Variants in PPP4R3B observed in about 807,000 individuals in gnomAD.
PPP4R3B encodes protein phosphatase 4 regulatory subunit 3B.
In PPP4R3B, 52 loss-of-function variants were observed where a neutral mutation model predicts 95.4. The ratio of observed to expected loss-of-function variants is 0.54; its 90% CI spans 0.44 to 0.69. The LOEUF is 0.69. Ranked by LOEUF, PPP4R3B falls within the 30% of genes least tolerant of loss-of-function variation. PPP4R3B has a pLI of 0.00. For missense variants in PPP4R3B, 1,003 were observed against 1,005.9 expected (o/e 1.00, Z 0.04); for synonymous variants, 407 against 343.9 (o/e 1.18, Z -2.03).
intron 15 of PPP4R3B, among the ~76,000 whole-genome samples, chr2:55,562,995 T>C (rs892788553): frequency 1.3e-5 from 2 of 152,220 alleles, no homozygotes; most frequent in African/African-American, 4.8e-5. Flanking sequence ...AGGTGTCCAA[T>C]CCCTTTTAAC....
At chr2:55,557,931 TAATATCCTTAAC>T in intron 16 of PPP4R3B, among the ~76,000 whole-genome samples, 1 of 152,222 alleles carries the variant, frequency 6.6e-6, no homozygotes, top group South Asian at 2.1e-4. Flanking sequence ...ACAGAAAGTC[TAATATCCTTAAC>T]TAAAGATTCA....
rs1685038514 is a variant in PPP4R3B, at chr2:55,549,761, A to G, written c.*150T>C. The G allele has an allele frequency of 8.0e-6, 5 of 624,756 alleles. No individual in the cohort carries two copies. The South Asian group carries it at 1.0e-4, about 13-fold the overall frequency. 38.7% of individuals were successfully genotyped at this position (624,756 alleles called of 1,614,324 possible). On this transcript the variant is annotated 3_prime_UTR_variant, in exon 17 of 17. Coordinates refer to ENST00000616407, the MANE Select transcript of PPP4R3B (RefSeq NM_001122964.3). ...TCCTGGGAAGCCTGATTTTTATTAGAACTAAACTCTCTTAGCTGATATACT... is the reference window on the plus strand; with the variant it reads ...TCCTGGGAAGCCTGATTTTTATTAGGACTAAACTCTCTTAGCTGATATACT...
intron 12 of PPP4R3B, among the ~76,000 whole-genome samples, chr2:55,573,054 C>T (rs754493751): frequency 1.3e-5 from 2 of 152,008 alleles, no homozygotes; most frequent in African/African-American, 2.4e-5. Flanking sequence ...AGAAATAATG[C>T]AGACAGTTAA....
intron 7 of PPP4R3B, among the ~76,000 whole-genome samples, chr2:55,584,361 C>T (rs1260109655): frequency 2.6e-5 from 4 of 151,900 alleles, no homozygotes; most frequent in Non-Finnish European, 5.9e-5. Context: ...TTTTTTATTT[C>T]CATAGGTGGT....
At chr2:55,581,045 G>A (rs928114481) in intron 8 of PPP4R3B, among the ~76,000 whole-genome samples, 1 of 152,082 alleles carries the variant, frequency 6.6e-6, no homozygotes, top group African/African-American at 2.4e-5. Context: ...CTGAGGTCAG[G>A]GGTTCAAGAC....
intron 8 of PPP4R3B, 134 bp downstream of exon 8, chr2:55,581,433 T>C (rs544056509): frequency 6.4e-5 from 58 of 904,572 alleles, no homozygotes; most frequent in Admixed American, 8.7e-5. Flanking sequence ...CACAAATGAA[T>C]TGCTATAAGA....
intron 3 of PPP4R3B, among the ~76,000 whole-genome samples, chr2:55,603,518 T>G (rs539353013): frequency 6.6e-6 from 1 of 152,294 alleles, no homozygotes; most frequent in South Asian, 2.1e-4. Context: ...AAAATTCTAG[T>G]TACTTAAGAG....
chr2:55,571,619 T>C (rs1688006146), intron 12 of PPP4R3B, among the ~76,000 whole-genome samples: 2 of 150,942 alleles, frequency 1.3e-5, no homozygotes, highest in Non-Finnish European at 2.9e-5. Flanking sequence ...TAAACACAGG[T>C]TTTTTGTTTG....
At chr2:55,564,705 C>T (rs367597859) in intron 14 of PPP4R3B, among the ~76,000 whole-genome samples, 197 bp downstream of exon 14, 3 of 152,122 alleles carry the variant, frequency 2.0e-5, no homozygotes, top group East Asian at 1.9e-4. Context: ...AAATATTCTT[C>T]GTAAGTTACA....
chr2:55,615,238 A>C (rs1694726401), intron 2 of PPP4R3B: 16 of 506,408 alleles, frequency 3.2e-5, no homozygotes, highest in Non-Finnish European at 4.2e-5. Flanking sequence ...ATCTTAGAAT[A>C]AACCGACAGT....
chr2:55,573,944 G>T (rs905124909), intron 11 of PPP4R3B, among the ~76,000 whole-genome samples, 167 bp from the exon 12 acceptor site: 3 of 141,418 alleles, frequency 2.1e-5, no homozygotes, highest in African/African-American at 7.9e-5. Context: ...TTTGGAGTGT[G>T]GTGGTGTGAT....
rs193100013 is a variant in PPP4R3B at position 55,577,465 on chromosome 2, C to A, written c.1565-109G>T. 77 of 1,105,952 alleles carry A rather than the reference C, an allele frequency of 7.0e-5. No individual in the cohort carries two copies. The East Asian group carries it at 2.8e-3, about 40-fold the overall frequency. The allele number at this position is 1,105,952 out of a possible 1,614,324, so 68.5% of individuals were successfully genotyped here. On this transcript the variant is annotated intron_variant, in intron 10 of 16. Coordinates refer to ENST00000616407, the MANE Select transcript of PPP4R3B (RefSeq NM_001122964.3). Reference sequence around the variant, plus strand: ...TGTCTTCAATCATAATCTCCTTTTACCCTCAAAATAACCATAAAGACTTGG... The same window carrying A: ...TGTCTTCAATCATAATCTCCTTTTAACCTCAAAATAACCATAAAGACTTGG...
At chr2:55,615,659 T>C (rs1694791390) in intron 1 of PPP4R3B, among the ~76,000 whole-genome samples, 153 bp from the exon 2 acceptor site, 1 of 151,888 alleles carries the variant, frequency 6.6e-6, no homozygotes, top group South Asian at 2.1e-4. Context: ...ATCCAGACCA[T>C]TCCAGCCAAC....
At chr2:55,593,854 C>T (rs907700385) in intron 4 of PPP4R3B, among the ~76,000 whole-genome samples, 1 of 152,132 alleles carries the variant, frequency 6.6e-6, no homozygotes, top group Non-Finnish European at 1.5e-5. Context: ...AAAAAGACAC[C>T]TGCACTTGTA....
At chr2:55,610,007 A>G (rs902715328) in intron 2 of PPP4R3B, among the ~76,000 whole-genome samples, 2 of 152,160 alleles carry the variant, frequency 1.3e-5, no homozygotes, top group South Asian at 2.1e-4. Context: ...ATTTTTTTTA[A>G]TAAGCCTCAA....
At chr2:55,579,809 C>G in intron 8 of PPP4R3B, 28 bp from the exon 9 acceptor site, 1 of 1,407,052 alleles carries the variant, frequency 7.1e-7, no homozygotes, top group Non-Finnish European at 9.9e-7. Context: ...TTAAACAATA[C>G]TGTTACTTAT....
chr2:55,565,225 G>A (rs1687130238), intron 13 of PPP4R3B, among the ~76,000 whole-genome samples, 184 bp from the exon 14 acceptor site: 1 of 151,268 alleles, frequency 6.6e-6, no homozygotes, highest in Non-Finnish European at 1.5e-5. Flanking sequence ...GAAAAAAAAG[G>A]AGAAGCAATT....
intron 6 of PPP4R3B, 117 bp from the exon 7 acceptor site, chr2:55,585,284 C>T (rs776925160): frequency 6.0e-5 from 38 of 630,038 alleles, no homozygotes; most frequent in Admixed American, 2.0e-4. Flanking sequence ...AGATGTTTTA[C>T]TGCAATCAAT....
At chr2:55,607,545 G>A (rs1405523279) in intron 2 of PPP4R3B, among the ~76,000 whole-genome samples, 1 of 152,194 alleles carries the variant, frequency 6.6e-6, no homozygotes, top group African/African-American at 2.4e-5. Flanking sequence ...TACAGAGCAA[G>A]GTATGGGGTA....
Sources: gnomAD v4.1 joint callset for allele counts (sites outside exome capture counted in the v4.1 genomes callset) on GRCh38, gnomAD v4.1.1 for gene constraint, MANE v1.5 for transcripts, NCBI Gene and HGNC (gene_info 2026-07-23, HGNC 2026-07-21) for gene names.